Variants in MBD2 observed in about 807,000 individuals in gnomAD.
MBD2 encodes methyl-CpG binding domain protein 2.
MBD2 carries 9 observed loss-of-function variants against 39.3 expected under a neutral mutation model. That is an observed-to-expected ratio of 0.23 (90% CI 0.14 to 0.40). The LOEUF (loss-of-function observed/expected upper bound fraction) is 0.40, where lower values mean the gene tolerates loss of function less well. Ranked by LOEUF, MBD2 falls within the 10% of genes least tolerant of loss-of-function variation. MBD2 has a pLI of 1.00. For missense variants in MBD2, 458 were observed against 532.6 expected (o/e 0.86, Z 1.38); for synonymous variants, 233 against 211.1 (o/e 1.10, Z -0.90).
In MBD2 at chr18:54,159,711, C is replaced by T. The variant is rs113923566; in HGVS notation, c.*12+54G>A. The stretch of plus-strand genomic sequence containing the variant: ...GGATTACAGGCAGAAGCACTATGTC[C>T]GGCCAAGAAAACACACCTTAAGTTC... On this transcript the variant is annotated intron_variant, in intron 6 of 6. Transcript: ENST00000256429. The T allele has an allele frequency of 9.0e-4, 1,425 of 1,580,962 alleles. 9 individuals carry two copies. The African/African-American group carries it at 0.012, about 14-fold the overall frequency.
rs1211071727 is a variant in MBD2, at chr18:54,180,897, C to CTTTTTTTTTTT, written c.840+7976_840+7977insAAAAAAAAAAA. On this transcript the variant is annotated intron_variant, in intron 3 of 6. Coordinates refer to ENST00000256429, the MANE Select transcript of MBD2 (RefSeq NM_003927.5). ...CAGCCTATGTATTCCTTAATTTTTT[C>CTTTTTTTTTTT]TTTTTCTTTTTTTTTTTTTTTTTTT... Among the ~76,000 whole-genome samples, 165 of 105,338 alleles carry CTTTTTTTTTTT rather than the reference C, an allele frequency of 1.6e-3. 7 individuals are homozygous for CTTTTTTTTTTT. Among genetic ancestry groups the CTTTTTTTTTTT allele is most frequent in the Middle Eastern group, 5.7e-3 (1 of 174 alleles). The allele number at this position is 105,338 out of a possible 152,430, so 69.1% of individuals were successfully genotyped here.
At chr18:54,201,819 C>T (rs1463128423) in intron 2 of MBD2, among the ~76,000 whole-genome samples, 2 of 149,206 alleles carry the variant, frequency 1.3e-5, no homozygotes, top group Non-Finnish European at 3.0e-5. Flanking sequence ...GCTGAGATGG[C>T]ACCACTGCAC....
intron 3 of MBD2, among the ~76,000 whole-genome samples, chr18:54,166,588 A>G (rs2086134497): frequency 6.6e-6 from 1 of 152,176 alleles, no homozygotes; most frequent in African/African-American, 2.4e-5. Flanking sequence ...AGAAAGAGCT[A>G]CTCCAATATG....
chr18:54,223,834 G>A (rs1445643682), intron 1 of MBD2, among the ~76,000 whole-genome samples, 184 bp downstream of exon 1: 1 of 151,882 alleles, frequency 6.6e-6, no homozygotes, highest in Non-Finnish European at 1.5e-5. Flanking sequence ...CTCACCTTTT[G>A]ACACTGCCTC....
intron 3 of MBD2, among the ~76,000 whole-genome samples, chr18:54,176,729 C>T (rs2086214840): frequency 1.3e-5 from 2 of 152,190 alleles, no homozygotes; most frequent in South Asian, 4.1e-4. Context: ...GGCCTGCAAA[C>T]ATCAAAGATC....
At chr18:54,204,286 T>C (rs1164224021) in intron 2 of MBD2, among the ~76,000 whole-genome samples, 1 of 152,228 alleles carries the variant, frequency 6.6e-6, no homozygotes, top group Non-Finnish European at 1.5e-5. Context: ...ATATGTTTAG[T>C]TGTCCCCAGG....
chr18:54,167,356 T>C (rs140225840), intron 3 of MBD2, among the ~76,000 whole-genome samples: 73 of 152,316 alleles, frequency 4.8e-4, no homozygotes, highest in African/African-American at 1.7e-3. Context: ...CATCTCTAGA[T>C]AGACGACCTT....
intron 2 of MBD2, among the ~76,000 whole-genome samples, chr18:54,197,742 C>T (rs1048260372): frequency 8.5e-5 from 13 of 152,162 alleles, no homozygotes; most frequent in African/African-American, 2.9e-4. Context: ...TCTAGATCAT[C>T]ATTATCATCA....
chr18:54,174,401 A>G (rs1365684816), intron 3 of MBD2, among the ~76,000 whole-genome samples: 1 of 152,226 alleles, frequency 6.6e-6, no homozygotes, highest in Non-Finnish European at 1.5e-5. Context: ...AGCATGCACC[A>G]TCACTGCAAG....
intron 1 of MBD2, among the ~76,000 whole-genome samples, chr18:54,223,607 G>T (rs983107285): frequency 6.6e-6 from 1 of 152,226 alleles, no homozygotes; most frequent in Admixed American, 6.5e-5. Flanking sequence ...CCTTGTTACT[G>T]TAGATAGCTC....
intron 1 of MBD2, among the ~76,000 whole-genome samples, chr18:54,212,308 A>T (rs1256504029): frequency 6.6e-6 from 1 of 152,116 alleles, no homozygotes; most frequent in Non-Finnish European, 1.5e-5. Flanking sequence ...GAACCCAGTA[A>T]TAGGAATTTT....
At chr18:54,160,198 A>C (rs1197672422) in intron 5 of MBD2, 2 of 299,972 alleles carry the variant, frequency 6.7e-6, no homozygotes, top group Non-Finnish European at 1.3e-5. Context: ...CTGTGTCAAG[A>C]TTTGGGTTTA....
intron 3 of MBD2, among the ~76,000 whole-genome samples, chr18:54,174,932 T>A (rs1568081694): frequency 6.6e-6 from 1 of 152,344 alleles, no homozygotes; most frequent in Non-Finnish European, 1.5e-5. Flanking sequence ...CTTTAAGTGT[T>A]CAAATGTAGG....
At chr18:54,199,077 GAC>G (rs2086387261) in intron 2 of MBD2, among the ~76,000 whole-genome samples, 1 of 152,174 alleles carries the variant, frequency 6.6e-6, no homozygotes, top group South Asian at 2.1e-4. Context: ...GAGAGAGGGA[GAC>G]ATTTTTCACT....
At position 54,181,712 on chromosome 18, in the gene MBD2, G is replaced by A. The variant is rs934802504; in HGVS notation, c.840+7162C>T. ...AGACAGGGTTTCGCATCTTGGCCAG[G>A]CTGGTCTTGAACTCCTGACCACGTG... On this transcript the variant is annotated intron_variant, in intron 3 of 6. Transcript: ENST00000256429. Among the ~76,000 whole-genome samples, 3 of 151,948 alleles carry A rather than the reference G, an allele frequency of 2.0e-5. No individual in the cohort carries two copies. The South Asian group carries it at 6.2e-4, about 32-fold the overall frequency.
chr18:54,218,961 C>CAA (rs113019638), intron 1 of MBD2, among the ~76,000 whole-genome samples: 7 of 101,626 alleles, frequency 6.9e-5, no homozygotes, highest in African/African-American at 1.0e-4. Flanking sequence ...GACTCCGTCT[C>CAA]AAAAAAAAAA....
chr18:54,175,645 C>G (rs1456269572), intron 3 of MBD2, among the ~76,000 whole-genome samples: 1 of 152,212 alleles, frequency 6.6e-6, no homozygotes, highest in Non-Finnish European at 1.5e-5. Flanking sequence ...CTTCCCCTCC[C>G]ACTAGTAGAG....
intron 1 of MBD2, among the ~76,000 whole-genome samples, chr18:54,222,066 G>C (rs1371263398): frequency 2.0e-5 from 3 of 152,200 alleles, no homozygotes; most frequent in African/African-American, 7.2e-5. Context: ...TTCAATCACA[G>C]ATACAGAATA....
intron 3 of MBD2, among the ~76,000 whole-genome samples, chr18:54,185,597 T>A (rs1373804765): frequency 6.6e-6 from 1 of 152,132 alleles, no homozygotes; most frequent in Non-Finnish European, 1.5e-5. Context: ...AAAGGCATTG[T>A]TACCAGCAAA....
Sources: gnomAD v4.1 joint callset for allele counts (sites outside exome capture counted in the v4.1 genomes callset) on GRCh38, gnomAD v4.1.1 for gene constraint, MANE v1.5 for transcripts, NCBI Gene and HGNC (gene_info 2026-07-23, HGNC 2026-07-21) for gene names.